B4GALT6: variants seen among roughly 807,000 people sequenced by gnomAD.
The protein encoded by B4GALT6 is beta-1,4-galactosyltransferase 6, also known as UDP-Gal:beta-GlcNAc beta-1,4-galactosyltransferase 6.
In B4GALT6, 14 loss-of-function variants were observed where a neutral mutation model predicts 46.3. The observed-to-expected ratio is 0.30, with a 90% CI of 0.20 to 0.47. The LOEUF is 0.47. Among genes scored for constraint, B4GALT6 ranks in the 20% least tolerant of loss-of-function variants. The pLI is 0.99. For synonymous variants in B4GALT6, 168 were observed against 162.0 expected (o/e 1.04, Z -0.28); for missense variants, 386 against 480.1 (o/e 0.80, Z 1.83).
At chr18:31,668,928 T>C (rs1411971737) in intron 1 of B4GALT6, among the ~76,000 whole-genome samples, 2 of 151,682 alleles carry the variant, frequency 1.3e-5, no homozygotes, top group East Asian at 1.9e-4. Flanking sequence ...GGAGAATCAC[T>C]TGAACCCAGG....
At chr18:31,665,204 T>C (rs924835821) in intron 2 of B4GALT6, among the ~76,000 whole-genome samples, 3 of 152,226 alleles carry the variant, frequency 2.0e-5, no homozygotes, top group Non-Finnish European at 1.5e-5. Flanking sequence ...TATTTTTAAC[T>C]GTTCAAAATG....
chr18:31,682,623 A>T (rs2074493081), intron 1 of B4GALT6, among the ~76,000 whole-genome samples: 1 of 152,204 alleles, frequency 6.6e-6, no homozygotes, highest in African/African-American at 2.4e-5. Context: ...AAAAAAAGGG[A>T]TGACTAGAAT....
chr18:31,674,685 A>T (rs2074396135), intron 1 of B4GALT6, among the ~76,000 whole-genome samples: 2 of 152,172 alleles, frequency 1.3e-5, no homozygotes, highest in Admixed American at 6.5e-5. Flanking sequence ...AGAATTACTC[A>T]TCCATGTGGG....
At chr18:31,654,519 GA>G (rs1474369837) in intron 3 of B4GALT6, among the ~76,000 whole-genome samples, 1 of 152,184 alleles carries the variant, frequency 6.6e-6, no homozygotes, top group African/African-American at 2.4e-5. Flanking sequence ...GGCCACTATT[GA>G]ATATGAAACA....
intron 7 of B4GALT6, among the ~76,000 whole-genome samples, chr18:31,626,773 T>G (rs1174143734): frequency 3.3e-5 from 5 of 151,966 alleles, no homozygotes; most frequent in Non-Finnish European, 1.5e-5. Flanking sequence ...AGGAGACTGG[T>G]CCCTGGTGCC....
chr18:31,691,981 A>G, the B4GALT6 span, among the ~76,000 whole-genome samples: 4 of 152,360 alleles, frequency 2.6e-5, no homozygotes, highest in Admixed American at 6.5e-5. Flanking sequence ...GCCATGACCA[A>G]TAAGGAACAA....
intron 4 of B4GALT6, among the ~76,000 whole-genome samples, chr18:31,643,543 C>A (rs556724658): frequency 1.3e-5 from 2 of 152,238 alleles, no homozygotes; most frequent in African/African-American, 4.8e-5. Context: ...AAGTGATCTG[C>A]CCACCTCAGC....
chr18:31,697,356 T>C, the B4GALT6 span, among the ~76,000 whole-genome samples: 1 of 150,076 alleles, frequency 6.7e-6, no homozygotes, highest in African/African-American at 2.5e-5. Context: ...AGAACCATCA[T>C]GAGTTAATAG....
chr18:31,636,914 C>G (rs1337180011), intron 5 of B4GALT6, among the ~76,000 whole-genome samples: 1 of 152,240 alleles, frequency 6.6e-6, no homozygotes, highest in Non-Finnish European at 1.5e-5. Flanking sequence ...CTCCATCTCC[C>G]AGGTTCAAGC....
intron 5 of B4GALT6, among the ~76,000 whole-genome samples, chr18:31,637,427 T>C (rs1213374472): frequency 6.6e-6 from 1 of 150,420 alleles, no homozygotes; most frequent in Non-Finnish European, 1.5e-5. Flanking sequence ...GTTCAATGGA[T>C]GCATATTTAC....
intron 5 of B4GALT6, among the ~76,000 whole-genome samples, chr18:31,633,282 G>A (rs1001123040): frequency 2.6e-5 from 4 of 152,020 alleles, no homozygotes; most frequent in African/African-American, 7.2e-5. Flanking sequence ...GGTGGACGTC[G>A]AGAGGAACAC....
At chr18:31,657,915 G>A in intron 3 of B4GALT6, 61 bp downstream of exon 3, 1 of 1,376,742 alleles carries the variant, frequency 7.3e-7, no homozygotes, top group Non-Finnish European at 1.0e-6. Flanking sequence ...AAATCATGTG[G>A]TTTTTATGAC....
intron 4 of B4GALT6, among the ~76,000 whole-genome samples, chr18:31,640,035 T>C (rs370924553): frequency 6.6e-6 from 1 of 152,162 alleles, no homozygotes; most frequent in African/African-American, 2.4e-5. Flanking sequence ...TCTAATAAAA[T>C]TGAAATTAAA....
At chr18:31,676,575 T>G (rs537519932) in intron 1 of B4GALT6, among the ~76,000 whole-genome samples, 1 of 152,320 alleles carries the variant, frequency 6.6e-6, no homozygotes, top group Non-Finnish European at 1.5e-5. Flanking sequence ...TATCCGTCCA[T>G]TTCTCTTCTG....
chr18:31,653,737 C>T (rs992559778), intron 3 of B4GALT6, among the ~76,000 whole-genome samples: 5 of 152,100 alleles, frequency 3.3e-5, no homozygotes, highest in East Asian at 1.9e-4. Context: ...TGAGCCACCA[C>T]GCCCGGCCTC....
At chr18:31,693,580 A>G in the B4GALT6 span, among the ~76,000 whole-genome samples, 1 of 152,220 alleles carries the variant, frequency 6.6e-6, no homozygotes, top group Non-Finnish European at 1.5e-5. Context: ...GCAACAAAAT[A>G]TACATAATAC....
chr18:31,627,422 A>G (rs1043112080), intron 6 of B4GALT6, among the ~76,000 whole-genome samples: 4 of 152,164 alleles, frequency 2.6e-5, no homozygotes, highest in African/African-American at 4.8e-5. Flanking sequence ...CCCAAATTGT[A>G]TATTTTCACA....
In B4GALT6 at chr18:31,643,721, T is replaced by C. The variant is rs550869172; in HGVS notation, c.471+1634A>G. ...TGTGATACACCTGTCTCCTGGAAAATGAGAAGAAAACAAACAAAAAATTTA... is the reference window on the plus strand; with the variant it reads ...TGTGATACACCTGTCTCCTGGAAAACGAGAAGAAAACAAACAAAAAATTTA... On this transcript the variant is annotated intron_variant, in intron 4 of 8. Coordinates refer to ENST00000306851, the MANE Select transcript of B4GALT6 (RefSeq NM_004775.5). Among the ~76,000 whole-genome samples the C allele has an allele frequency of 3.4e-3, 513 of 152,250 alleles. 2 individuals carry two copies. The highest frequency in any genetic ancestry group is 5.7e-3 in the Non-Finnish European group (388 of 68,010).
At chr18:31,636,265 C>T (rs373614523) in intron 5 of B4GALT6, among the ~76,000 whole-genome samples, 4 of 152,040 alleles carry the variant, frequency 2.6e-5, no homozygotes, top group East Asian at 3.8e-4. Context: ...GCTATAAAAA[C>T]AAAAATCAAT....
Sources: allele counts gnomAD v4.1 joint callset (sites outside exome capture counted in the v4.1 genomes callset), GRCh38; gene constraint gnomAD v4.1.1; transcripts MANE v1.5; gene names NCBI Gene and HGNC (gene_info 2026-07-23, HGNC 2026-07-21).